COL24A1: variants seen among roughly 807,000 people sequenced by gnomAD.
COL24A1 encodes the protein collagen type XXIV alpha 1 chain, also known as collagen alpha-1(XXIV) chain.
Under a neutral mutation model 253.9 loss-of-function variants are expected in COL24A1, and 224 were observed. The ratio of observed to expected loss-of-function variants is 0.88; its 90% CI spans 0.79 to 0.99. COL24A1 has a LOEUF of 0.99. COL24A1 is among the 50% of genes least tolerant of loss of function. The pLI is 0.00. For synonymous variants in COL24A1, 685 were observed against 673.7 expected, an observed-to-expected ratio of 1.02 and a Z score of -0.26; for missense variants, 2,131 against 2,068.5, an observed-to-expected ratio of 1.03 and a Z score of -0.59.
chr1:85,765,881 TACTC>T (rs1244864915), intron 53 of COL24A1, among the ~76,000 whole-genome samples: 2 of 152,234 alleles, frequency 1.3e-5, no homozygotes, highest in African/African-American at 4.8e-5. Flanking sequence ...TTGCATTACT[TACTC>T]TGAAATTTAC....
At chr1:86,083,906 T>C (rs1702862598) in intron 7 of COL24A1, among the ~76,000 whole-genome samples, 1 of 152,224 alleles carries the variant, frequency 6.6e-6, no homozygotes, top group African/African-American at 2.4e-5. Flanking sequence ...CCATATTTCC[T>C]AAATCCATAT....
intron 37 of COL24A1, among the ~76,000 whole-genome samples, chr1:85,855,497 A>G (rs1393116125): frequency 6.6e-6 from 1 of 152,176 alleles, no homozygotes; most frequent in Admixed American, 6.5e-5. Context: ...AGTTATATTT[A>G]TGTGATGGAT....
chr1:86,101,452 C>A (rs139129098), intron 5 of COL24A1, among the ~76,000 whole-genome samples: 162 of 152,252 alleles, frequency 1.1e-3, no homozygotes, highest in African/African-American at 3.7e-3. Flanking sequence ...AGAGGGCATA[C>A]TTGTCTTATG....
intron 38 of COL24A1, among the ~76,000 whole-genome samples, chr1:85,848,724 A>T (rs1677417983): frequency 6.6e-6 from 1 of 152,212 alleles, no homozygotes; most frequent in Admixed American, 6.5e-5. Flanking sequence ...ACAAGAAGAT[A>T]CAAAGAAAAA....
At chr1:85,950,698 G>A (rs550483891) in intron 24 of COL24A1, among the ~76,000 whole-genome samples, 20 of 152,084 alleles carry the variant, frequency 1.3e-4, no homozygotes, top group South Asian at 4.2e-4. Flanking sequence ...GAATCATGGC[G>A]CTTAAAGGAC....
intron 47 of COL24A1, among the ~76,000 whole-genome samples, chr1:85,800,473 T>A (rs1171201628): frequency 6.6e-6 from 1 of 152,180 alleles, no homozygotes; most frequent in African/African-American, 2.4e-5. Flanking sequence ...AGTTCTTACT[T>A]GCAAATACCA....
chr1:85,922,797 G>A (rs1480905753), intron 24 of COL24A1, among the ~76,000 whole-genome samples: 3 of 152,144 alleles, frequency 2.0e-5, no homozygotes, highest in Non-Finnish European at 2.9e-5. Flanking sequence ...ATAATGACAG[G>A]ATCAAATTCA....
At chr1:85,801,304 A>C (rs560440239) in intron 47 of COL24A1, among the ~76,000 whole-genome samples, 135 of 152,306 alleles carry the variant, frequency 8.9e-4, no homozygotes, top group African/African-American at 2.6e-3. Context: ...TGTCCTGCGA[A>C]TCTGACTTTC....
chr1:85,850,303 T>C (rs1677615874), intron 37 of COL24A1, among the ~76,000 whole-genome samples: 2 of 152,156 alleles, frequency 1.3e-5, no homozygotes, highest in Non-Finnish European at 2.9e-5. Context: ...CAAATTTGTG[T>C]CCCAAAAGCT....
intron 19 of COL24A1, among the ~76,000 whole-genome samples, chr1:86,008,160 G>A (rs1357105123): frequency 6.6e-6 from 1 of 152,160 alleles, no homozygotes; most frequent in Admixed American, 6.5e-5. Flanking sequence ...CATACATGTA[G>A]GAAATATAAA....
rs1335887314 is a variant in COL24A1 at position 85,730,562 on chromosome 1, G to T, written c.5129C>A (p.Ser1710Tyr). The T allele has an allele frequency of 1.9e-6, 3 of 1,613,742 alleles. No homozygotes were observed. The highest frequency in any genetic ancestry group is 2.5e-6 in the Non-Finnish European group (3 of 1,179,830). ...TERKYYIDSS[S>Y]VCFL The stretch of plus-strand genomic sequence containing the variant: ...TCAGAGACTTTACAGAAAGCATACA[G>T]AACTGCTGTCAATGTAATACTTTCG... The change falls in exon 60 of 60, where the codon TCT (serine) becomes TAT (tyrosine). Residue 1710 changes from serine to tyrosine, a missense_variant. Physicochemically the swap from Ser to Tyr is moderately radical, Grantham distance 144. Transcript: ENST00000370571.
chr1:85,763,626 G>A (rs1053104933), intron 53 of COL24A1, among the ~76,000 whole-genome samples: 1 of 151,238 alleles, frequency 6.6e-6, no homozygotes, highest in African/African-American at 2.4e-5. Context: ...CGAGTAGCTG[G>A]GACTACAGGC....
At chr1:85,811,420 A>G (rs946906898) in intron 47 of COL24A1, among the ~76,000 whole-genome samples, 2 of 152,108 alleles carry the variant, frequency 1.3e-5, no homozygotes, top group Non-Finnish European at 2.9e-5. Context: ...AATCTTTTAC[A>G]TTCCTGCCGT....
At chr1:85,949,726 T>C (rs1689708755) in intron 24 of COL24A1, among the ~76,000 whole-genome samples, 1 of 152,152 alleles carries the variant, frequency 6.6e-6, no homozygotes, top group Non-Finnish European at 1.5e-5. Context: ...TCTTTTATCT[T>C]GCAGCTGCAA....
chr1:86,092,173 C>T, intron 6 of COL24A1, 94 bp downstream of exon 6: 3 of 931,048 alleles, frequency 3.2e-6, no homozygotes, highest in Middle Eastern at 3.3e-4. Context: ...TTTTTCCTGT[C>T]TGATACAGTA....
At chr1:86,094,891 G>A (rs964326979) in intron 5 of COL24A1, among the ~76,000 whole-genome samples, 1 of 151,902 alleles carries the variant, frequency 6.6e-6, no homozygotes, top group Non-Finnish European at 1.5e-5. Flanking sequence ...AAGCCCAGAA[G>A]AGTTAATTGA....
At chr1:85,825,521 C>A (rs939058394) in intron 43 of COL24A1, among the ~76,000 whole-genome samples, 1 of 152,220 alleles carries the variant, frequency 6.6e-6, no homozygotes, top group Non-Finnish European at 1.5e-5. Context: ...AATGGTTGAA[C>A]TAGTTTACAG....
intron 47 of COL24A1, among the ~76,000 whole-genome samples, chr1:85,800,169 A>G (rs1465564198): frequency 6.6e-6 from 1 of 152,102 alleles, no homozygotes; most frequent in East Asian, 1.9e-4. Context: ...ACCTCTCCAT[A>G]TTTACTAGGT....
intron 20 of COL24A1, 99 bp from the exon 21 acceptor site, chr1:85,971,492 C>T (rs1197557458): frequency 1.0e-6 from 1 of 992,870 alleles, no homozygotes; most frequent in African/African-American, 1.7e-5. Context: ...TCTTTGAAAC[C>T]ATTCATTTCC....
Sources: gnomAD v4.1 joint callset for allele counts (sites outside exome capture counted in the v4.1 genomes callset) on GRCh38, gnomAD v4.1.1 for gene constraint, MANE v1.5 for transcripts, NCBI Gene and HGNC (gene_info 2026-07-23, HGNC 2026-07-21) for gene names.